GIMAP7: variants seen among roughly 807,000 people sequenced by gnomAD.
The protein encoded by GIMAP7 is GTPase, IMAP family member 7.
For synonymous variants in GIMAP7, 137 were observed against 129.3 expected (o/e 1.06, Z -0.40); for missense variants, 323 against 359.7 (o/e 0.90, Z 0.83).
Position 150,520,420 on chromosome 7 carries a change from C to T in GIMAP7, c.446C>T (p.Ala149Val), listed in dbSNP as rs756630060. The T allele has an allele frequency of 1.1e-5, 17 of 1,614,058 alleles. No individual in the cohort carries two copies. Among genetic ancestry groups the T allele is most frequent in the Non-Finnish European group, 1.2e-5 (14 of 1,180,046 alleles). The change falls in exon 2 of 2, where the codon GCG (alanine) becomes GTG (valine). Residue 149 changes from alanine (A) to valine (V), a missense_variant. Coordinates refer to ENST00000313543, the MANE Select transcript of GIMAP7 (RefSeq NM_153236.4). ...AGCTTCCATGACTTCATAGCAGATG[C>T]GGATGTGGGCCTAAAAAGCATCGTC... ...GQSFHDFIAD[A>V]DVGLKSIVKE...
rs1426329078 is a variant in GIMAP7, at chr7:150,520,559, C to A, written c.585C>A (p.Cys195Ter). The change falls in exon 2 of 2, where the codon TGC becomes TGA. Residue 195 changes from cysteine (C) to a stop codon, truncating the protein, a stop_gained. Transcript: ENST00000313543. LOFTEE classifies it low-confidence loss of function (END_TRUNC). ...AGCTGATAGAGAAAATGGTGCAGTG[C>A]AACGAAGGGGCTTACTTTTCTGATG... ...LVELIEKMVQ[C>*]NEGAYFSDDI... 1.2e-6 allele frequency: 2 copies of A among 1,613,908 alleles called. No individual in the cohort carries two copies. The highest frequency in any genetic ancestry group is 2.7e-5 in the African/African-American group (2 of 74,854).
intron 1 of GIMAP7, among the ~76,000 whole-genome samples, chr7:150,518,503 C>G (rs1795156594): frequency 6.6e-6 from 1 of 151,398 alleles, no homozygotes; most frequent in Non-Finnish European, 1.5e-5. Flanking sequence ...ATATTTTTTT[C>G]TTTGGCCGTG....
At position 150,520,686 on chromosome 7, in the gene GIMAP7, G is replaced by T. The variant is rs1157952340; in HGVS notation, c.712G>T (p.Asp238Tyr). The T allele has an allele frequency of 6.3e-7, 1 of 1,593,736 alleles. No homozygotes were observed. Among genetic ancestry groups the T allele is most frequent in the Non-Finnish European group, 8.6e-7 (1 of 1,164,302 alleles). Residue 238 changes from aspartate to tyrosine, a missense_variant, in exon 2 of 2, where the codon GAT (aspartate) becomes TAT (tyrosine). Coordinates refer to ENST00000313543, the MANE Select transcript of GIMAP7 (RefSeq NM_153236.4). Reference protein sequence around the residue: ...LNEEIKLVEEDKHKSEEEKEK... With the variant: ...LNEEIKLVEEYKHKSEEEKEK... Reference sequence around the variant, plus strand: ...TGAAGAAATTAAACTAGTAGAAGAGGATAAGCATAAATCAGAGGAAGAAAA... The same window carrying T: ...TGAAGAAATTAAACTAGTAGAAGAGTATAAGCATAAATCAGAGGAAGAAAA...
At chr7:150,518,969 G>A (rs1478809731) in intron 1 of GIMAP7, among the ~76,000 whole-genome samples, 1 of 151,760 alleles carries the variant, frequency 6.6e-6, no homozygotes, top group Non-Finnish European at 1.5e-5. Flanking sequence ...CCATTGGTAT[G>A]AGGTGTTGCT....
intron 1 of GIMAP7, among the ~76,000 whole-genome samples, chr7:150,518,179 C>T (rs1795153367): frequency 1.3e-5 from 2 of 152,074 alleles, no homozygotes; most frequent in South Asian, 4.1e-4. Flanking sequence ...GTATTTTTGT[C>T]AGTGCAGCTC....
In GIMAP7 at chr7:150,520,257, A is replaced by G. The variant is rs773341058; in HGVS notation, c.283A>G (p.Ile95Val). ...CTCCTCCTGCCCAGGGCCCCATGCT[A>G]TTGTCCTAGTTCTGCTGCTGGGCCG... The part of the protein sequence containing the change: ...IISSCPGPHA[I>V]VLVLLLGRYT... The change falls in exon 2 of 2, where the codon ATT (isoleucine) becomes GTT (valine). Residue 95 changes from isoleucine to valine, a missense_variant. Coordinates refer to ENST00000313543, the MANE Select transcript of GIMAP7 (RefSeq NM_153236.4). 4.3e-6 allele frequency: 7 copies of G among 1,614,094 alleles called. No homozygotes were observed. The highest frequency in any genetic ancestry group is 5.1e-6 in the Non-Finnish European group (6 of 1,180,006).
At chr7:150,519,895 T>C in intron 1 of GIMAP7, 39 bp from the exon 2 acceptor site, 1 of 1,330,958 alleles carries the variant, frequency 7.5e-7, no homozygotes, top group Non-Finnish European at 1.0e-6. Flanking sequence ...TCTCACTTAC[T>C]AAAACTGGCT....
chr7:150,520,322 G>A lies in GIMAP7; in HGVS notation c.348G>A (p.Lys116=), dbSNP rs1378882880. Residue 116 remains lysine, a synonymous_variant, in exon 2 of 2, where the codon AAG becomes AAA. Transcript: ENST00000313543. ...EEEQKTVALI[K]AVFGKSAMKH... Reference sequence around the variant, plus strand: ...AGCAGAAAACCGTTGCATTGATCAAGGCTGTCTTTGGGAAGTCAGCCATGA... The same window carrying A: ...AGCAGAAAACCGTTGCATTGATCAAAGCTGTCTTTGGGAAGTCAGCCATGA... 1.2e-6 allele frequency: 2 copies of A among 1,613,946 alleles called. No individual in the cohort carries two copies.
rs575655014 is a variant in GIMAP7 at position 150,517,502 on chromosome 7, A to G, written c.-41-2432A>G. ...TTCTTTTGTGGGAAATACCATTTGA[A>G]GATCACAATCTGGGCATTAAGTGCA... On this transcript the variant is annotated intron_variant, in intron 1 of 1. Coordinates refer to ENST00000313543, the MANE Select transcript of GIMAP7 (RefSeq NM_153236.4). 4.7e-4 allele frequency among the ~76,000 whole-genome samples: 71 copies of G among 152,254 alleles called. 2 individuals are homozygous for G. The South Asian group carries it at 0.013, about 28-fold the overall frequency.
chr7:150,520,853 G>A lies in GIMAP7; in HGVS notation c.879G>A (p.Ser293=), dbSNP rs370818881. ...CAGAAATATGGCATAGGTTTTTGTC[G>A]AAATGTAAGTTTTATTCTTCCTAAT... is the stretch of plus-strand genomic sequence containing the variant. ...MLSEIWHRFL[S]KCKFYSS Residue 293 remains serine (S), a synonymous_variant, in exon 2 of 2, where the codon TCG becomes TCA. Coordinates refer to ENST00000313543, the MANE Select transcript of GIMAP7 (RefSeq NM_153236.4). The A allele has an allele frequency of 1.5e-4, 227 of 1,470,008 alleles. No homozygotes were observed. Among genetic ancestry groups the A allele is most frequent in the East Asian group, 1.9e-4 (8 of 41,856 alleles). The allele number at this position is 1,470,008 out of a possible 1,614,324, so 91.1% of individuals were successfully genotyped here.
rs750508828 is a variant in GIMAP7, at chr7:150,520,500, G to A, written c.526G>A (p.Ala176Thr). 4.3e-6 allele frequency: 7 copies of A among 1,614,214 alleles called. No individual in the cohort carries two copies. Among genetic ancestry groups the A allele is most frequent in the Non-Finnish European group, 5.1e-6 (6 of 1,180,036 alleles). The change falls in exon 2 of 2, where the codon GCA becomes ACA. Residue 176 changes from alanine to threonine, a missense_variant. Transcript: ENST00000313543. ...TAGCAACAGCAAGAAAACCAGTAAG[G>A]CAGAGAAGGAAAGTCAAGTGCAGGA... is the stretch of plus-strand genomic sequence containing the variant. ...AFSNSKKTSK[A>T]EKESQVQELV...
At chr7:150,519,538 A>G (rs1318651853) in intron 1 of GIMAP7, among the ~76,000 whole-genome samples, 2 of 152,210 alleles carry the variant, frequency 1.3e-5, no homozygotes, top group Non-Finnish European at 2.9e-5. Flanking sequence ...TTCACAAATG[A>G]GACACATCTT....
chr7:150,520,371 C>G lies in GIMAP7; in HGVS notation c.397C>G (p.Arg133Gly), dbSNP rs201058399. The G allele has an allele frequency of 8.5e-5, 137 of 1,614,194 alleles. No individual in the cohort carries two copies. Among genetic ancestry groups the G allele is most frequent in the East Asian group, 3.1e-4 (14 of 44,892 alleles). The change falls in exon 2 of 2, where the codon CGC becomes GGC. Residue 133 changes from arginine to glycine, a missense_variant. Coordinates refer to ENST00000313543, the MANE Select transcript of GIMAP7 (RefSeq NM_153236.4). ...AMKHMVILFTRKEELEGQSFH... is the reference protein window; with the variant it reads ...AMKHMVILFTGKEELEGQSFH... ...GAAGCACATGGTCATCTTGTTCACT[C>G]GCAAAGAAGAGTTGGAGGGCCAGAG...
chr7:150,517,966 CCTT>C (rs1271172060), intron 1 of GIMAP7, among the ~76,000 whole-genome samples: 6 of 151,948 alleles, frequency 3.9e-5, no homozygotes, highest in South Asian at 2.1e-4. Context: ...AACTAATATT[CCTT>C]CTTCTTATAT....
At chr7:150,517,145 T>C (rs1697493387) in intron 1 of GIMAP7, among the ~76,000 whole-genome samples, 2 of 152,188 alleles carry the variant, frequency 1.3e-5, no homozygotes, top group African/African-American at 4.8e-5. Context: ...TCTTTCCCTT[T>C]AGTTGTCAAT....
chr7:150,519,401 C>T (rs766700628), intron 1 of GIMAP7, among the ~76,000 whole-genome samples: 5 of 152,110 alleles, frequency 3.3e-5, no homozygotes, highest in Admixed American at 6.5e-5. Flanking sequence ...AACCTATTAA[C>T]GGGATGTGTT....
intron 1 of GIMAP7, among the ~76,000 whole-genome samples, chr7:150,517,328 C>T (rs1179046665): frequency 6.6e-6 from 1 of 152,082 alleles, no homozygotes; most frequent in Non-Finnish European, 1.5e-5. Flanking sequence ...CCAGTTGGAA[C>T]CTCTTTAAGG....
In GIMAP7 at chr7:150,520,784, A is replaced by T. The variant is rs1358355875; in HGVS notation, c.810A>T (p.Arg270Ser). 3 of 1,505,450 alleles carry T rather than the reference A, an allele frequency of 2.0e-6. No individual in the cohort carries two copies. The highest frequency in any genetic ancestry group is 2.7e-6 in the Non-Finnish European group (3 of 1,107,366). 93.3% of individuals were successfully genotyped at this position (1,505,450 alleles called of 1,614,324 possible). The part of the protein sequence containing the change: ...KIKNIREEAE[R>S]NIFKDVFNRI... ...AAAATATAAGGGAAGAAGCTGAGAG[A>T]AATATATTTAAAGATGTTTTTAATA... The change falls in exon 2 of 2, where the codon AGA (arginine) becomes AGT (serine). Residue 270 changes from arginine (R) to serine (S), a missense_variant. Physicochemically the swap from Arg to Ser is moderately radical, Grantham distance 110. Transcript: ENST00000313543.
At chr7:150,517,556 A>G (rs1358611195) in intron 1 of GIMAP7, among the ~76,000 whole-genome samples, 2 of 151,972 alleles carry the variant, frequency 1.3e-5, no homozygotes, top group Non-Finnish European at 2.9e-5. Context: ...ACCATGGTTT[A>G]TGCCTTTTAG....
Sources: gnomAD v4.1 joint callset for allele counts (sites outside exome capture counted in the v4.1 genomes callset) on GRCh38, gnomAD v4.1.1 for gene constraint, MANE v1.5 for transcripts, NCBI Gene and HGNC (gene_info 2026-07-23, HGNC 2026-07-21) for gene names.